KSR2: variants seen among roughly 807,000 people sequenced by gnomAD.
KSR2 encodes kinase suppressor of ras 2.
KSR2 carries 25 observed loss-of-function variants against 107.8 expected under a neutral mutation model. That is an observed-to-expected ratio of 0.23 (90% CI 0.17 to 0.32). The LOEUF (loss-of-function observed/expected upper bound fraction) is 0.32. Ranked by LOEUF, KSR2 falls within the 10% of genes least tolerant of loss-of-function variation. The probability of loss-of-function intolerance (pLI) is 1.00; values close to 1 mark genes in which losing one functional copy is unlikely to be tolerated. For missense variants in KSR2, 887 were observed against 1,268.9 expected (o/e 0.70, Z 4.57); for synonymous variants, 480 against 507.0 (o/e 0.95, Z 0.71).
chr12:117,600,562 G>A (rs1237390432), intron 5 of KSR2, among the ~76,000 whole-genome samples: 1 of 152,160 alleles, frequency 6.6e-6, no homozygotes, highest in Non-Finnish European at 1.5e-5. Context: ...CAAAACAAAG[G>A]CAGGATTGAT....
At chr12:117,618,409 C>T (rs370886674) in intron 5 of KSR2, among the ~76,000 whole-genome samples, 47 of 152,142 alleles carry the variant, frequency 3.1e-4, no homozygotes, top group African/African-American at 1.1e-3. Context: ...CTTAGTCTCT[C>T]AGCCGCCATT....
intron 14 of KSR2, among the ~76,000 whole-genome samples, chr12:117,508,319 G>A (rs550253474): frequency 4.6e-5 from 7 of 152,240 alleles, no homozygotes; most frequent in African/African-American, 1.7e-4. Context: ...CTTTAATTGT[G>A]ACACACGGCA....
intron 7 of KSR2, among the ~76,000 whole-genome samples, chr12:117,562,717 T>G (rs1383711720): frequency 6.6e-6 from 1 of 151,990 alleles, no homozygotes; most frequent in African/African-American, 2.4e-5. Context: ...CTCTCCAGAG[T>G]CCCTTATTGC....
intron 4 of KSR2, among the ~76,000 whole-genome samples, chr12:117,725,419 A>G (rs1320152004): frequency 6.6e-6 from 1 of 152,240 alleles, no homozygotes; most frequent in Non-Finnish European, 1.5e-5. Context: ...GAAGATATCA[A>G]GTCATTCAAT....
intron 16 of KSR2, among the ~76,000 whole-genome samples, chr12:117,479,677 G>A (rs1872033718): frequency 6.6e-6 from 1 of 152,198 alleles, no homozygotes; most frequent in South Asian, 2.1e-4. Flanking sequence ...AAATCTCAGT[G>A]TTTCAGGATT....
chr12:117,694,003 C>T (rs997281792), intron 4 of KSR2, among the ~76,000 whole-genome samples: 1 of 152,190 alleles, frequency 6.6e-6, no homozygotes, highest in Non-Finnish European at 1.5e-5. Flanking sequence ...GGCCACTGAA[C>T]TTTGTTTTAG....
chr12:117,504,246 A>T (rs977651108), intron 14 of KSR2, among the ~76,000 whole-genome samples: 1 of 152,208 alleles, frequency 6.6e-6, no homozygotes, highest in South Asian at 2.1e-4. Flanking sequence ...CATGGGAAAG[A>T]TGAAAACTCC....
chr12:117,745,650 T>C (rs973400393), intron 4 of KSR2, among the ~76,000 whole-genome samples: 1 of 152,192 alleles, frequency 6.6e-6, no homozygotes, highest in African/African-American at 2.4e-5. Context: ...TGTCTCTGTT[T>C]GCAGATGACA....
At chr12:117,497,406 T>C (rs1256844056) in intron 14 of KSR2, among the ~76,000 whole-genome samples, 6 of 152,034 alleles carry the variant, frequency 3.9e-5, no homozygotes, top group African/African-American at 9.7e-5. Context: ...TCCCACTACA[T>C]TGTGTTCTTT....
intron 4 of KSR2, among the ~76,000 whole-genome samples, chr12:117,678,475 C>T (rs964467153): frequency 6.6e-5 from 10 of 152,076 alleles, no homozygotes; most frequent in Non-Finnish European, 1.0e-4. Flanking sequence ...GACCCAAGAG[C>T]TTGACCACAG....
intron 3 of KSR2, among the ~76,000 whole-genome samples, chr12:117,834,148 AT>A (rs1467130174): frequency 4.8e-5 from 7 of 145,796 alleles, no homozygotes; most frequent in Non-Finnish European, 7.4e-5. Flanking sequence ...CTCAAAAAAA[AT>A]AAAAAAAAAA....
chr12:117,801,064 G>A (rs2137020530), intron 3 of KSR2, among the ~76,000 whole-genome samples: 1 of 152,280 alleles, frequency 6.6e-6, no homozygotes, highest in South Asian at 2.1e-4. Flanking sequence ...GCATACGTGT[G>A]TATGTGTGCC....
Position 117,465,048 on chromosome 12 carries a change from C to G in KSR2, c.*2151G>C, listed in dbSNP as rs1177948747. ...GCCTCTTCCCTTCCTCATATCCTGTCTCTTGGCACAAGGGAACATGACAAG... is the reference window on the plus strand; with the variant it reads ...GCCTCTTCCCTTCCTCATATCCTGTGTCTTGGCACAAGGGAACATGACAAG... On this transcript the variant is annotated 3_prime_UTR_variant, in exon 20 of 20. Coordinates refer to ENST00000339824, the MANE Select transcript of KSR2 (RefSeq NM_173598.6). The G allele has an allele frequency of 6.6e-6, 1 of 152,250 alleles. No individual in the cohort carries two copies. The highest frequency in any genetic ancestry group is 2.4e-5 in the African/African-American group (1 of 41,454). 9.4% of individuals were successfully genotyped at this position (152,250 alleles called of 1,614,324 possible).
At chr12:117,733,191 T>A (rs1887799647) in intron 4 of KSR2, among the ~76,000 whole-genome samples, 1 of 152,190 alleles carries the variant, frequency 6.6e-6, no homozygotes, top group Non-Finnish European at 1.5e-5. Flanking sequence ...TCCTACTGAC[T>A]GTCCTCAGGA....
intron 3 of KSR2, among the ~76,000 whole-genome samples, chr12:117,816,025 GTGTGTGTGTGTGTGTT>G: frequency 6.7e-6 from 1 of 148,554 alleles, no homozygotes; most frequent in Admixed American, 6.7e-5. Context: ...GTGTGTGTGT[GTGTGTGTGTGTGTGTT>G]GGGGAGGTGA....
chr12:117,682,286 G>C (rs1445203931), intron 4 of KSR2, among the ~76,000 whole-genome samples: 2 of 152,036 alleles, frequency 1.3e-5, no homozygotes, highest in Admixed American at 6.6e-5. Context: ...GGGGGAGAGA[G>C]AACATTAGGA....
At chr12:117,536,388 C>G (rs1448982097) in intron 10 of KSR2, among the ~76,000 whole-genome samples, 1 of 152,196 alleles carries the variant, frequency 6.6e-6, no homozygotes, top group Non-Finnish European at 1.5e-5. Context: ...GTAGGCCCAA[C>G]TGTACTTCCA....
chr12:117,595,390 C>A (rs1266497940), intron 5 of KSR2, among the ~76,000 whole-genome samples: 1 of 114,654 alleles, frequency 8.7e-6, no homozygotes, highest in Non-Finnish European at 1.6e-5. Flanking sequence ...CGGAGTCTCG[C>A]TCTGTTGCCC....
At chr12:117,476,271 C>A (rs1320782905) in intron 17 of KSR2, among the ~76,000 whole-genome samples, 193 bp downstream of exon 17, 1 of 152,174 alleles carries the variant, frequency 6.6e-6, no homozygotes, top group African/African-American at 2.4e-5. Context: ...CCATTAGAAA[C>A]CAGACACACA....
Sources: gnomAD v4.1 joint callset for allele counts (sites outside exome capture counted in the v4.1 genomes callset) on GRCh38, gnomAD v4.1.1 for gene constraint, MANE v1.5 for transcripts, NCBI Gene and HGNC (gene_info 2026-07-23, HGNC 2026-07-21) for gene names.